The following ZNF467 variants were observed in gnomAD, a reference collection of about 807,000 sequenced individuals.
The protein encoded by ZNF467 is zinc finger protein 467.
ZNF467 carries 51 observed loss-of-function variants against 47.8 expected under a neutral mutation model. The ratio of observed to expected loss-of-function variants is 1.07; its 90% CI spans 0.85 to 1.35. The LOEUF (loss-of-function observed/expected upper bound fraction) is 1.35. ZNF467 is among the 40% of genes most tolerant of loss of function. The pLI, the probability that ZNF467 is intolerant of heterozygous loss-of-function variation, is 0.00. For missense variants in ZNF467, 992 were observed against 858.1 expected (o/e 1.16, Z -1.95); for synonymous variants, 416 against 372.9 (o/e 1.12, Z -1.33).
chr7:149,770,481 A>G lies in ZNF467; in HGVS notation c.110T>C (p.Met37Thr), dbSNP rs367932112. ...REGSHNAQEQ[M>T]SSSREERALG... is the part of the protein sequence containing the mutation. ...TGCTCTCTCTTCCCTAGAAGAGGAC[A>G]TCTGCTCCTGGGCATTATGGGATCC... is the stretch of plus-strand genomic sequence containing the variant. Residue 37 changes from methionine (M) to threonine (T), a missense_variant, in exon 3 of 5, where the codon ATG (methionine) becomes ACG (threonine). Met to Thr is a moderately conservative substitution (Grantham distance 81). Coordinates refer to ENST00000302017, the MANE Select transcript of ZNF467 (RefSeq NM_207336.3). 1.1e-5 allele frequency: 17 copies of G among 1,613,572 alleles called. No individual in the cohort carries two copies. Among genetic ancestry groups the G allele is most frequent in the Non-Finnish European group, 1.4e-5 (17 of 1,179,806 alleles).
In ZNF467 at chr7:149,765,600, T is replaced by C. The variant is rs748442468; in HGVS notation, c.902A>G (p.Gln301Arg). The C allele has an allele frequency of 2.5e-6, 4 of 1,601,626 alleles. No individual in the cohort carries two copies. Among genetic ancestry groups the C allele is most frequent in the Non-Finnish European group, 3.4e-6 (4 of 1,174,384 alleles). ...GAAGCTGCGTGCGCACTGTGCGCAC[T>C]GGTAGGGCCTCTCGCCCGTATGGAT... ...QRIHTGERPY[Q>R]CAQCARSFTH... The change falls in exon 5 of 5, where the codon CAG becomes CGG. Residue 301 changes from glutamine (Q) to arginine (R), a missense_variant. Transcript: ENST00000302017.
chr7:149,770,378 G>A, intron 3 of ZNF467, 62 bp downstream of exon 3: 1 of 1,153,820 alleles, frequency 8.7e-7, no homozygotes. Context: ...AGAGAGGTAG[G>A]GAGGGCAGGA....
intron 3 of ZNF467, 58 bp downstream of exon 3, chr7:149,770,382 G>C (rs1435512903): frequency 8.1e-7 from 1 of 1,230,312 alleles, no homozygotes; most frequent in East Asian, 2.5e-5. Context: ...AGGTAGGGAG[G>C]GCAGGAGGAA....
rs192558755 is a variant in ZNF467 at position 149,768,991 on chromosome 7, G to T, written c.262+99C>A. ...TAGAAGGGCCTGGACTGCCTGTCTTGGGGGATTACCTGCCTCATGAGATAG... is the reference window on the plus strand; with the variant it reads ...TAGAAGGGCCTGGACTGCCTGTCTTTGGGGATTACCTGCCTCATGAGATAG... On this transcript the variant is annotated intron_variant, in intron 4 of 4. Coordinates refer to ENST00000302017, the MANE Select transcript of ZNF467 (RefSeq NM_207336.3). The T allele has an allele frequency of 9.7e-3, 10,482 of 1,079,526 alleles. 71 individuals carry two copies. Among genetic ancestry groups the T allele is most frequent in the Non-Finnish European group, 0.012 (9,054 of 770,132 alleles). 66.9% of individuals were successfully genotyped at this position (1,079,526 alleles called of 1,614,324 possible).
chr7:149,765,209 G>T lies in ZNF467; in HGVS notation c.1293C>A (p.Phe431Leu). Residue 431 changes from phenylalanine (F) to leucine (L), a missense_variant, in exon 5 of 5, where the codon TTC becomes TTA. Phe to Leu is a conservative substitution (Grantham distance 22). Coordinates refer to ENST00000302017, the MANE Select transcript of ZNF467 (RefSeq NM_207336.3). ...AGCCGCGCCCGCAGTCCGGGCAGAA[G>T]AAGGACCGCTCGCCCGAGGGGGCGC... is the stretch of plus-strand genomic sequence containing the variant. ...PQRAPSGERS[F>L]FCPDCGRGFS... 6.6e-7 allele frequency: 1 copy of T among 1,505,206 alleles called. No homozygotes were observed. Among genetic ancestry groups the T allele is most frequent in the Non-Finnish European group, 8.8e-7 (1 of 1,131,026 alleles). The allele number at this position is 1,505,206 out of a possible 1,614,324, so 93.2% of individuals were successfully genotyped here.
chr7:149,765,845 G>T lies in ZNF467; in HGVS notation c.657C>A (p.Ser219=). The T allele has an allele frequency of 6.2e-7, 1 of 1,607,200 alleles. No homozygotes were observed. The change falls in exon 5 of 5, where the codon TCC becomes TCA. Residue 219 remains serine (S), a synonymous_variant. Coordinates refer to ENST00000302017, the MANE Select transcript of ZNF467 (RefSeq NM_207336.3). ...SHRGERPFPC[S]ECDKRFSKKA... ...TCTTGCTGAAGCGCTTGTCGCACTC[G>T]GAGCACGGGAAAGGCCGCTCGCCGC...
rs1158508501 is a variant in ZNF467 at position 149,766,255 on chromosome 7, A to G, written c.263-16T>C. 1 of 1,513,232 alleles carries G rather than the reference A, an allele frequency of 6.6e-7. No individual in the cohort carries two copies. The highest frequency in any genetic ancestry group is 8.8e-7 in the Non-Finnish European group (1 of 1,130,720). 93.7% of individuals were successfully genotyped at this position (1,513,232 alleles called of 1,614,324 possible). On this transcript the variant is annotated splice_polypyrimidine_tract_variant and intron_variant, in intron 4 of 4. Coordinates refer to ENST00000302017, the MANE Select transcript of ZNF467 (RefSeq NM_207336.3). ...CACTCCTCTCCTGGAAAGTCAAAAC[A>G]AGAATTGTCTATTGAGCTCCACGTG...
At chr7:149,773,649 G>A (rs1366793434), upstream of ZNF467, among the ~76,000 whole-genome samples, 1 of 145,212 alleles carries the variant, frequency 6.9e-6, no homozygotes, top group Non-Finnish European at 1.5e-5. Flanking sequence ...AACGGGTGGG[G>A]GGGTGGCGGG....
At chr7:149,771,792 G>A (rs1799418402) in intron 1 of ZNF467, among the ~76,000 whole-genome samples, 2 of 127,172 alleles carry the variant, frequency 1.6e-5, no homozygotes, top group South Asian at 5.6e-4. Flanking sequence ...TCTGCCTTCC[G>A]CCCTCTCTCC....
In ZNF467 at chr7:149,765,732, A is replaced by T; in HGVS notation, c.770T>A (p.Ile257Asn). 1 of 1,609,864 alleles carries T rather than the reference A, an allele frequency of 6.2e-7. No individual in the cohort carries two copies. ...GGTCTTTTGGTGCGAGCCCAGGTGG[A>T]TCTTCTGGCTGAAGCGCTTGCCGCA... ...AECGKRFSQK[I>N]HLGSHQKTHT... The change falls in exon 5 of 5, where the codon ATC (isoleucine) becomes AAC (asparagine). Residue 257 changes from isoleucine to asparagine, a missense_variant. Physicochemically the swap from Ile to Asn is moderately radical, Grantham distance 149. Coordinates refer to ENST00000302017, the MANE Select transcript of ZNF467 (RefSeq NM_207336.3).
chr7:149,772,754 C>T (rs1264208767), intron 1 of ZNF467, among the ~76,000 whole-genome samples: 1 of 144,440 alleles, frequency 6.9e-6, no homozygotes, highest in African/African-American at 2.6e-5. Flanking sequence ...GTCCCCAGCG[C>T]CCGCTTCTTC....
chr7:149,774,163 C>T (rs770084673), upstream of ZNF467, among the ~76,000 whole-genome samples: 46 of 152,142 alleles, frequency 3.0e-4, no homozygotes, highest in South Asian at 6.2e-4. The surrounding 1 kb of genome is among the most constrained non-coding windows in gnomAD (Gnocchi z 5.7). Context: ...CCTGCTGGCC[C>T]GGACACCACC....
rs374829113 is a variant in ZNF467 at position 149,764,568 on chromosome 7, A to C, written c.*146T>G. 3.9e-5 allele frequency: 56 copies of C among 1,424,422 alleles called. No individual in the cohort carries two copies. The East Asian group carries it at 1.1e-3, about 28-fold the overall frequency. The allele number at this position is 1,424,422 out of a possible 1,614,324, so 88.2% of individuals were successfully genotyped here. ...GGTCCGAGCTGGGTATGCTGTGCGG[A>C]CGCAGACACTGCGGGAAGGAAACAG... On this transcript the variant is annotated 3_prime_UTR_variant, in exon 5 of 5. Transcript: ENST00000302017.
chr7:149,776,449 G>A (rs747290091), upstream of ZNF467: 2 of 1,344,602 alleles, frequency 1.5e-6, no homozygotes, highest in Non-Finnish European at 2.0e-6. Context: ...CAGCCGCCTG[G>A]GCTGGCGGCT....
In ZNF467 at chr7:149,764,479, G is replaced by C. The variant is rs931362572; in HGVS notation, c.*235C>G. 4 of 776,348 alleles carry C rather than the reference G, an allele frequency of 5.2e-6. No homozygotes were observed. Among genetic ancestry groups the C allele is most frequent in the Non-Finnish European group, 8.7e-6 (4 of 461,482 alleles). 48.1% of individuals were successfully genotyped at this position (776,348 alleles called of 1,614,324 possible). ...GCTTTCCAACGGGGCACCTGGGTGG[G>C]AGCCTTCCAAGAACTTCAGCTCAGC... On this transcript the variant is annotated 3_prime_UTR_variant, in exon 5 of 5. Coordinates refer to ENST00000302017, the MANE Select transcript of ZNF467 (RefSeq NM_207336.3).
At position 149,771,294 on chromosome 7, in the gene ZNF467, G is replaced by T. The variant is rs147304774; in HGVS notation, c.-42-220C>A. On this transcript the variant is annotated intron_variant, in intron 1 of 4. Coordinates refer to ENST00000302017, the MANE Select transcript of ZNF467 (RefSeq NM_207336.3). ...CTTGAAACGATTTCTGTCAGCTCTGGAAACCAGCCGCGCCACCCCCTCACC... is the reference window on the plus strand; with the variant it reads ...CTTGAAACGATTTCTGTCAGCTCTGTAAACCAGCCGCGCCACCCCCTCACC... Among the ~76,000 whole-genome samples the T allele has an allele frequency of 4.3e-3, 658 of 152,272 alleles. 9 individuals are homozygous for T. The highest frequency in any genetic ancestry group is 0.015 in the African/African-American group (629 of 41,554).
chr7:149,773,646 G>C (rs960023178), upstream of ZNF467, among the ~76,000 whole-genome samples: 5 of 146,740 alleles, frequency 3.4e-5, no homozygotes, highest in South Asian at 2.2e-4. Context: ...GCGAACGGGT[G>C]GGGGGGTGGC....
At chr7:149,776,380 G>A (rs1237128931), upstream of ZNF467, 10 of 1,363,750 alleles carry the variant, frequency 7.3e-6, no homozygotes, top group Admixed American at 1.7e-4. Flanking sequence ...CATCCGTGTG[G>A]AGGAGGAAGT....
intron 1 of ZNF467, among the ~76,000 whole-genome samples, chr7:149,771,778 T>G (rs1278797759): frequency 2.0e-5 from 2 of 101,400 alleles, no homozygotes; most frequent in East Asian, 6.9e-4. Flanking sequence ...CCCCTCCCGC[T>G]CCCTCTGCCT....
Sources: gnomAD v4.1 joint callset for allele counts (sites outside exome capture counted in the v4.1 genomes callset) on GRCh38, gnomAD v4.1.1 for gene constraint, Gnocchi (gnomAD v3.1) non-coding constraint, MANE v1.5 for transcripts, NCBI Gene and HGNC (gene_info 2026-07-23, HGNC 2026-07-21) for gene names.